Variants in SOX6 observed in about 807,000 individuals in gnomAD.
SOX6 encodes transcription factor SOX-6.
SOX6 carries 11 observed loss-of-function variants against 97.8 expected under a neutral mutation model. The observed-to-expected ratio is 0.11, with a 90% CI of 0.07 to 0.19. The LOEUF (loss-of-function observed/expected upper bound fraction) is 0.19. SOX6 is among the 10% of genes least tolerant of loss of function. The pLI, the probability that SOX6 is intolerant of heterozygous loss-of-function variation, is 1.00. For synonymous variants in SOX6, 360 were observed against 371.4 expected (o/e 0.97, Z 0.35); for missense variants, 810 against 1,039.5 (o/e 0.78, Z 3.04).
chr11:16,722,045 A>C (rs540812556), intron 2 of SOX6, among the ~76,000 whole-genome samples: 10 of 152,234 alleles, frequency 6.6e-5, no homozygotes, highest in Admixed American at 3.3e-4. Context: ...GATGGATTAA[A>C]GACTTAAATG....
chr11:16,313,728 C>A (rs1295187404), intron 3 of SOX6: 3 of 151,464 alleles, frequency 2.0e-5, no homozygotes, highest in Non-Finnish European at 2.9e-5. Flanking sequence ...CTCAAGATAC[C>A]AAACTCAGAA....
chr11:16,470,445 G>T (rs976160458), intron 1 of SOX6, among the ~76,000 whole-genome samples: 10 of 151,924 alleles, frequency 6.6e-5, no homozygotes, highest in Non-Finnish European at 1.0e-4. Flanking sequence ...TTGTTTGTTT[G>T]CTTCCCTAAA....
chr11:16,328,116 T>C (rs1456015971), intron 2 of SOX6, among the ~76,000 whole-genome samples: 1 of 152,092 alleles, frequency 6.6e-6, no homozygotes, highest in African/African-American at 2.4e-5. Context: ...AATCATAGAT[T>C]TGCCCTGGTT....
chr11:16,403,327 C>A, intron 1 of SOX6, among the ~76,000 whole-genome samples: 1 of 151,624 alleles, frequency 6.6e-6, no homozygotes, highest in Non-Finnish European at 1.5e-5. Context: ...AATCAACAAC[C>A]TATTGTTGTG....
chr11:16,690,190 G>A (rs573913930), intron 3 of SOX6, among the ~76,000 whole-genome samples: 287 of 152,304 alleles, frequency 1.9e-3, no homozygotes, highest in Admixed American at 5.1e-3. Flanking sequence ...CTGAGCCAAG[G>A]TGTGAGCCAC....
chr11:16,133,719 C>T (rs763032350), intron 6 of SOX6, among the ~76,000 whole-genome samples: 12 of 152,100 alleles, frequency 7.9e-5, no homozygotes, highest in Admixed American at 2.0e-4. Flanking sequence ...GACGGAGTCT[C>T]GCTCTGTTGC....
chr11:16,559,922 C>T (rs1248970538), intron 4 of SOX6, among the ~76,000 whole-genome samples: 1 of 151,962 alleles, frequency 6.6e-6, no homozygotes, highest in African/African-American at 2.4e-5. Flanking sequence ...TTCTACAAGG[C>T]CTATTTTAAT....
chr11:16,206,704 A>G (rs1323625451), intron 4 of SOX6, among the ~76,000 whole-genome samples: 7 of 152,254 alleles, frequency 4.6e-5, no homozygotes, highest in East Asian at 1.9e-4. Context: ...TATAATGTCT[A>G]TATTAAAATC....
intron 2 of SOX6, among the ~76,000 whole-genome samples, chr11:16,716,806 T>TAA (rs35279555): frequency 9.2e-5 from 14 of 151,784 alleles, no homozygotes; most frequent in Admixed American, 2.0e-4. Context: ...AAGTTAGATA[T>TAA]AAAAAAATTG....
chr11:16,126,608 C>T (rs1032771585), intron 6 of SOX6, among the ~76,000 whole-genome samples: 24 of 152,080 alleles, frequency 1.6e-4, no homozygotes, highest in Admixed American at 1.4e-3. Flanking sequence ...ACTACAAACA[C>T]ATAATTTGTT....
intron 3 of SOX6, among the ~76,000 whole-genome samples, chr11:16,236,012 A>G (rs529928689): frequency 1.8e-4 from 28 of 152,150 alleles, no homozygotes; most frequent in African/African-American, 6.7e-4. Flanking sequence ...CACAGAGCTG[A>G]AGTTCTTTCT....
chr11:16,335,417 C>T (rs574116646), intron 2 of SOX6, among the ~76,000 whole-genome samples: 2 of 152,248 alleles, frequency 1.3e-5, no homozygotes, highest in African/African-American at 4.8e-5. Flanking sequence ...CAAAGGTGTA[C>T]ATAAATCTTA....
At chr11:16,340,472 T>C (rs1178303528) in intron 2 of SOX6, among the ~76,000 whole-genome samples, 1 of 152,066 alleles carries the variant, frequency 6.6e-6, no homozygotes, top group Non-Finnish European at 1.5e-5. Context: ...TCCTGTAGTC[T>C]GATTGACTTA....
At chr11:16,172,219 C>A (rs1427637764) in intron 6 of SOX6, among the ~76,000 whole-genome samples, 1 of 151,980 alleles carries the variant, frequency 6.6e-6, no homozygotes, top group Non-Finnish European at 1.5e-5. Flanking sequence ...TGACATAATA[C>A]TTCAAAAGGA....
chr11:16,278,969 T>C (rs1488967200), intron 3 of SOX6, among the ~76,000 whole-genome samples: 1 of 151,958 alleles, frequency 6.6e-6, no homozygotes. Flanking sequence ...GAGGAAAAAA[T>C]AGGTACAGGA....
At chr11:16,204,207 A>T (rs569454298) in intron 4 of SOX6, among the ~76,000 whole-genome samples, 13 of 152,294 alleles carry the variant, frequency 8.5e-5, no homozygotes, top group Admixed American at 2.0e-4. Context: ...TGATTGACCC[A>T]AAATTTAAAC....
At chr11:16,698,483 A>G (rs1848069885) in intron 3 of SOX6, among the ~76,000 whole-genome samples, 1 of 152,208 alleles carries the variant, frequency 6.6e-6, no homozygotes, top group African/African-American at 2.4e-5. Flanking sequence ...ATCAGCAATA[A>G]GGCTGTTTTG....
intron 1 of SOX6, among the ~76,000 whole-genome samples, chr11:16,464,233 C>T (rs775841054): frequency 4.4e-4 from 67 of 152,086 alleles, no homozygotes; most frequent in Non-Finnish European, 8.7e-4. Flanking sequence ...CTATCTTCAT[C>T]ACCCCCAAAA....
chr11:16,526,855 G>A (rs1201188030), intron 4 of SOX6, among the ~76,000 whole-genome samples: 1 of 151,982 alleles, frequency 6.6e-6, no homozygotes, highest in Non-Finnish European at 1.5e-5. Flanking sequence ...GTGGCATTGA[G>A]GACTACAGTC....
Sources: gnomAD v4.1 joint callset for allele counts (sites outside exome capture counted in the v4.1 genomes callset) on GRCh38, gnomAD v4.1.1 for gene constraint, MANE v1.5 for transcripts, NCBI Gene and HGNC (gene_info 2026-07-23, HGNC 2026-07-21) for gene names.